The following LRRC53 variants were observed in gnomAD, a reference collection of about 807,000 sequenced individuals.
LRRC53 encodes leucine-rich repeat-containing protein 53.
In LRRC53, 25 loss-of-function variants were observed where a neutral mutation model predicts 13.6. The ratio of observed to expected loss-of-function variants is 1.83; its 90% confidence interval spans 1.34 to 2.56. LRRC53 has a LOEUF of 2.56. Among genes scored for constraint, LRRC53 ranks in the 30% most tolerant of loss-of-function variants. LRRC53 has a pLI of 0.00. For missense variants in LRRC53, 527 were observed against 275.8 expected, an observed-to-expected ratio of 1.91 and a Z score of -6.45; for synonymous variants, 204 against 109.8, an observed-to-expected ratio of 1.86 and a Z score of -5.37.
the LRRC53 span, among the ~76,000 whole-genome samples, chr1:74,524,775 A>G: frequency 6.6e-6 from 1 of 151,690 alleles, no homozygotes; most frequent in Admixed American, 6.6e-5. Context: ...AAAATGAAAA[A>G]GAAAGGAAGT....
Position 74,475,756 on chromosome 1 carries a change from T to C in LRRC53, c.959A>G (p.Gln320Arg), listed in dbSNP as rs1269099078. ...TGATGTGTGTTCATTTGCTTTGCCTTGGTGGAGTTTCCAGTTAAATACAAC... is the reference window on the plus strand; with the variant it reads ...TGATGTGTGTTCATTTGCTTTGCCTCGGTGGAGTTTCCAGTTAAATACAAC... ...GLVVFNWKLH[Q>R]GKANEHTSEN... Residue 320 changes from glutamine (Q) to arginine (R), a missense_variant, in exon 4 of 5, where the codon CAA becomes CGA. By Grantham distance (43) the Gln-to-Arg change is conservative (BLOSUM62 1). Transcript: ENST00000294635. 1.5e-6 allele frequency: 1 copy of C among 646,060 alleles called. No individual in the cohort carries two copies. The highest frequency in any genetic ancestry group is 2.8e-6 in the Non-Finnish European group (1 of 351,978). The allele number at this position is 646,060 out of a possible 1,614,324, so 40.0% of individuals were successfully genotyped here.
chr1:74,533,722 C>G, the LRRC53 span, among the ~76,000 whole-genome samples: 1 of 151,814 alleles, frequency 6.6e-6, no homozygotes, highest in East Asian at 1.9e-4. Flanking sequence ...CCATGGAATA[C>G]TATGCAGCCA....
chr1:74,502,683 T>C (rs1182530825), intron 1 of LRRC53, among the ~76,000 whole-genome samples: 1 of 152,234 alleles, frequency 6.6e-6, no homozygotes, highest in Non-Finnish European at 1.5e-5. Context: ...CAATAGCCTT[T>C]GATTGGAGGG....
At chr1:74,528,282 G>A in the LRRC53 span, among the ~76,000 whole-genome samples, 1 of 152,156 alleles carries the variant, frequency 6.6e-6, no homozygotes, top group Non-Finnish European at 1.5e-5. Flanking sequence ...CAAGGGGCTG[G>A]AGCCTGAGCA....
chr1:74,518,869 TTC>T, the LRRC53 span, among the ~76,000 whole-genome samples: 1,234 of 41,764 alleles, frequency 0.03, 34 homozygotes, highest in Admixed American at 0.049. Flanking sequence ...TTTATTTTTT[TTC>T]CCCTTTTTTT....
chr1:74,507,261 G>T (rs1669956046), intron 1 of LRRC53, among the ~76,000 whole-genome samples: 1 of 134,956 alleles, frequency 7.4e-6, no homozygotes, highest in South Asian at 2.3e-4. Flanking sequence ...ATACATAAAG[G>T]ATTCAATTAA....
intron 1 of LRRC53, among the ~76,000 whole-genome samples, chr1:74,502,295 G>A (rs1345675603): frequency 6.6e-6 from 1 of 152,132 alleles, no homozygotes; most frequent in African/African-American, 2.4e-5. Context: ...CATGGTAGGT[G>A]CCAAACACCT....
intron 1 of LRRC53, among the ~76,000 whole-genome samples, chr1:74,503,521 T>C (rs1669740683): frequency 1.3e-5 from 2 of 152,188 alleles, no homozygotes; most frequent in South Asian, 2.1e-4. Context: ...TTAAGTTCTA[T>C]GGATCTTGTA....
intron 1 of LRRC53, among the ~76,000 whole-genome samples, chr1:74,501,326 G>T (rs1669613620): frequency 6.6e-6 from 1 of 152,110 alleles, no homozygotes; most frequent in African/African-American, 2.4e-5. Context: ...GAAGTTGCAT[G>T]TCATTTACAA....
At chr1:74,510,462 C>G (rs767975041) in intron 1 of LRRC53, among the ~76,000 whole-genome samples, 1 of 151,994 alleles carries the variant, frequency 6.6e-6, no homozygotes, top group African/African-American at 2.4e-5. Context: ...GAGCCGACAT[C>G]GCGCCACTGC....
the LRRC53 span, among the ~76,000 whole-genome samples, chr1:74,532,011 T>C: frequency 4.0e-3 from 611 of 152,166 alleles, 6 homozygotes; most frequent in Non-Finnish European, 3.4e-3. Context: ...TTGGACCAAT[T>C]TGAATGGAAG....
rs1385194090 is a variant in LRRC53 at position 74,469,746 on chromosome 1, CAA to C, written c.*130_*131del. ...AACTCTGGTTTTATTTTATTGATAA[CAA>C]AGAGTTACTGAGGACGTTGTTGTCC... On this transcript the variant is annotated 3_prime_UTR_variant, in exon 5 of 5. Coordinates refer to ENST00000294635, the MANE Select transcript of LRRC53 (RefSeq NM_001382280.1). 3 of 395,610 alleles carry C rather than the reference CAA, an allele frequency of 7.6e-6. No homozygotes were observed. Among genetic ancestry groups the C allele is most frequent in the African/African-American group, 6.2e-5 (3 of 48,534 alleles). 24.5% of individuals were successfully genotyped at this position (395,610 alleles called of 1,614,324 possible).
chr1:74,523,437 T>C, the LRRC53 span, among the ~76,000 whole-genome samples: 1 of 120,754 alleles, frequency 8.3e-6, no homozygotes, highest in African/African-American at 2.5e-5. Flanking sequence ...TGTATAAGAT[T>C]TTTCTTTTTT....
At chr1:74,523,555 G>A in the LRRC53 span, among the ~76,000 whole-genome samples, 1 of 152,134 alleles carries the variant, frequency 6.6e-6, no homozygotes, top group Non-Finnish European at 1.5e-5. Context: ...CTGGCCATTA[G>A]CTGCTTATAG....
Position 74,471,840 on chromosome 1 carries a change from T to G in LRRC53, c.1782A>C (p.Arg594Ser). ...GCTCTTTCTCAGGCTTTGAGTGTTG[T>G]CTACGATTTGGCTTCTTTTCTTTCA... ...DYMKEKKPNR[R>S]QHSKPEKEQI... Residue 594 changes from arginine to serine, a missense_variant, in exon 5 of 5, where the codon AGA becomes AGC. Coordinates refer to ENST00000294635, the MANE Select transcript of LRRC53 (RefSeq NM_001382280.1). The G allele has an allele frequency of 2.2e-6, 1 of 454,358 alleles. No homozygotes were observed. The highest frequency in any genetic ancestry group is 3.9e-6 in the Non-Finnish European group (1 of 257,860). 28.1% of individuals were successfully genotyped at this position (454,358 alleles called of 1,614,324 possible).
At chr1:74,514,642 G>C (rs1390804916), upstream of LRRC53, among the ~76,000 whole-genome samples, 1 of 152,096 alleles carries the variant, frequency 6.6e-6, no homozygotes, top group African/African-American at 2.4e-5. Context: ...AGATAGTAAG[G>C]GGGGAAGCTG....
chr1:74,518,173 C>G, the LRRC53 span, among the ~76,000 whole-genome samples: 1 of 152,042 alleles, frequency 6.6e-6, no homozygotes, highest in African/African-American at 2.4e-5. Context: ...AATATTGGCC[C>G]AGTGGAGTAG....
intron 1 of LRRC53, among the ~76,000 whole-genome samples, chr1:74,488,290 A>G (rs1411654782): frequency 1.3e-5 from 2 of 152,110 alleles, no homozygotes; most frequent in African/African-American, 2.4e-5. Flanking sequence ...CCACCAACCT[A>G]GAGATACAAG....
chr1:74,515,356 C>T (rs1345096670), upstream of LRRC53, among the ~76,000 whole-genome samples: 3 of 152,182 alleles, frequency 2.0e-5, no homozygotes, highest in African/African-American at 7.2e-5. Flanking sequence ...GGAAAACCCA[C>T]ACCTAACCCA....
Sources: allele counts gnomAD v4.1 joint callset (sites outside exome capture counted in the v4.1 genomes callset), GRCh38; gene constraint gnomAD v4.1.1; transcripts MANE v1.5; gene names NCBI Gene and HGNC (gene_info 2026-07-23, HGNC 2026-07-21).